AS3MT: variants seen among roughly 807,000 people sequenced by gnomAD.
The protein encoded by AS3MT is arsenite methyltransferase.
In AS3MT, 47 loss-of-function variants were observed where a neutral mutation model predicts 45.3. The observed-to-expected ratio is 1.04, with a 90% CI of 0.82 to 1.32. The LOEUF (loss-of-function observed/expected upper bound fraction) is 1.32, where lower values mean the gene tolerates loss of function less well. Ranked by LOEUF, AS3MT falls within the 40% of genes most tolerant of loss-of-function variation. AS3MT has a pLI of 0.00. For missense variants in AS3MT, 396 were observed against 451.1 expected (o/e 0.88, Z 1.11); for synonymous variants, 141 against 152.8 (o/e 0.92, Z 0.57).
Position 102,881,939 on chromosome 10 carries a change from T to G in AS3MT, c.885+2948T>G, listed in dbSNP as rs906655156. ...TATTTTTTTGTTGGTGAGACAGGTT[T>G]TTTTTTTTTTTCTTTTTTGAGACCA... On this transcript the variant is annotated intron_variant, in intron 9 of 10. Coordinates refer to ENST00000369880, the MANE Select transcript of AS3MT (RefSeq NM_020682.4). This position sits in a 1 kb window ranked among gnomAD's most constrained non-coding sequence, Gnocchi z 4.2. 2.0e-5 allele frequency among the ~76,000 whole-genome samples: 3 copies of G among 150,908 alleles called. No homozygotes were observed. Among genetic ancestry groups the G allele is most frequent in the African/African-American group, 7.3e-5 (3 of 41,172 alleles).
chr10:102,899,539 C>T (rs1845237282), intron 10 of AS3MT, among the ~76,000 whole-genome samples: 1 of 152,138 alleles, frequency 6.6e-6, no homozygotes, highest in African/African-American at 2.4e-5. Context: ...ACCAGTCTAT[C>T]AGTTTCATGA....
chr10:102,870,012 C>A lies in AS3MT; in HGVS notation c.43-72C>A, dbSNP rs1320772069. On this transcript the variant is annotated intron_variant, in intron 2 of 10. Coordinates refer to ENST00000369880, the MANE Select transcript of AS3MT (RefSeq NM_020682.4). ...GGCCAAGTGGAGGTGGAGGTGGTGA[C>A]GGAGCCCTCGCGCTGCAGTCACAGC... is the stretch of plus-strand genomic sequence containing the variant. The A allele has an allele frequency of 3.8e-6, 6 of 1,581,076 alleles. No homozygotes were observed. The Middle Eastern group carries it at 5.1e-4, about 135-fold the overall frequency.
At chr10:102,892,028 C>A (rs1342708808) in intron 10 of AS3MT, among the ~76,000 whole-genome samples, 1 of 147,148 alleles carries the variant, frequency 6.8e-6, no homozygotes, top group Non-Finnish European at 1.5e-5. Flanking sequence ...ACACTTGTTA[C>A]TAGATTTCCA....
At chr10:102,889,618 T>TGCCTGCCTG (rs1292952699) in intron 9 of AS3MT, among the ~76,000 whole-genome samples, 30 of 95,006 alleles carry the variant, frequency 3.2e-4, no homozygotes, top group East Asian at 1.1e-3. Flanking sequence ...CTGCCTGCCT[T>TGCCTGCCTG]CCTTCCTTCC....
At chr10:102,890,475 C>A in intron 9 of AS3MT, 69 bp from the exon 10 acceptor site, 1 of 1,350,282 alleles carries the variant, frequency 7.4e-7, no homozygotes, top group Non-Finnish European at 1.0e-6. Flanking sequence ...AACGATACTT[C>A]TGGGCATTTT....
In AS3MT at chr10:102,874,629, CA is replaced by C; in HGVS notation, c.498del (p.Val167CysfsTer9). 6.2e-7 allele frequency: 1 copy of C among 1,610,336 alleles called. No homozygotes were observed. ...TATTAACCTTGTGCCTGATAAACAA[CA>C]AGTGCTTCAGGAGGCATATCGGGTG... ...CVINLVPDKQ[Q>X]VLQEAYRVLK... On this transcript the variant is annotated frameshift_variant, in exon 6 of 11. Coordinates refer to ENST00000369880, the MANE Select transcript of AS3MT (RefSeq NM_020682.4). LOFTEE classifies it high-confidence loss of function.
chr10:102,888,875 A>ATTTTTTTTTTTT (rs1448414240), intron 9 of AS3MT, among the ~76,000 whole-genome samples: 2 of 70,040 alleles, frequency 2.9e-5, no homozygotes, highest in Admixed American at 1.7e-4. Context: ...ATATATATAT[A>ATTTTTTTTTTTT]TATATATTTT....
At chr10:102,878,608 A>G in intron 8 of AS3MT, 98 bp downstream of exon 8, 1 of 1,482,702 alleles carries the variant, frequency 6.7e-7, no homozygotes, top group African/African-American at 1.4e-5. Flanking sequence ...TCATTGAGGG[A>G]TACTTTCTGT....
At chr10:102,890,119 G>A (rs1474596590) in intron 9 of AS3MT, among the ~76,000 whole-genome samples, 1 of 151,486 alleles carries the variant, frequency 6.6e-6, no homozygotes, top group Non-Finnish European at 1.5e-5. Context: ...TCCTGCCTCA[G>A]CCTCCCAAGT....
intron 9 of AS3MT, among the ~76,000 whole-genome samples, chr10:102,885,922 C>T (rs1201879035): frequency 2.0e-5 from 3 of 152,062 alleles, no homozygotes; most frequent in Non-Finnish European, 4.4e-5. Flanking sequence ...CTGCCTCGGC[C>T]TCCCAAAGTG....
At chr10:102,880,852 C>T (rs533539207) in intron 9 of AS3MT, among the ~76,000 whole-genome samples, 1 of 152,240 alleles carries the variant, frequency 6.6e-6, no homozygotes, top group East Asian at 1.9e-4. Flanking sequence ...ACAGAAGGAA[C>T]AAAAACATCA....
At chr10:102,887,616 G>A (rs934684254) in intron 9 of AS3MT, among the ~76,000 whole-genome samples, 8 of 152,104 alleles carry the variant, frequency 5.3e-5, no homozygotes, top group Non-Finnish European at 1.0e-4. Flanking sequence ...TTTATCTGAT[G>A]TAAGTATAGC....
intron 9 of AS3MT, among the ~76,000 whole-genome samples, chr10:102,882,387 T>G (rs1423636294): frequency 6.6e-6 from 1 of 151,940 alleles, no homozygotes; most frequent in East Asian, 1.9e-4. Flanking sequence ...AGATTTCTTT[T>G]TTTTTTTTAA....
chr10:102,890,383 A>ATT (rs1845049438), intron 9 of AS3MT, among the ~76,000 whole-genome samples, 161 bp from the exon 10 acceptor site: 1 of 152,170 alleles, frequency 6.6e-6, no homozygotes, highest in Admixed American at 6.5e-5. Context: ...AGGAATCTCC[A>ATT]TACTGTTTCC....
In AS3MT at chr10:102,900,593, G is replaced by A; in HGVS notation, c.1021G>A (p.Asp341Asn). The A allele has an allele frequency of 6.2e-7, 1 of 1,611,686 alleles. No homozygotes were observed. Among genetic ancestry groups the A allele is most frequent in the Non-Finnish European group, 8.5e-7 (1 of 1,177,830 alleles). ...TTCATTTTGGTTTGCCTTTTGACAG[G>A]ATATAATCACAGATCCATTTAAGCT... ...SGGCSALELK[D>N]IITDPFKLAE... The change falls in exon 11 of 11, where the codon GAT (aspartate) becomes AAT (asparagine). Residue 341 changes from aspartate to asparagine, a missense_variant and splice_region_variant. By Grantham distance (23) the Asp-to-Asn change is conservative. Transcript: ENST00000369880.
Position 102,872,429 on chromosome 10 carries a change from T to C in AS3MT, c.171-19T>C, listed in dbSNP as rs1844707308. 1 of 1,612,530 alleles carries C rather than the reference T, an allele frequency of 6.2e-7. No individual in the cohort carries two copies. The highest frequency in any genetic ancestry group is 1.3e-5 in the African/African-American group (1 of 74,836). ...TCTTACAGTCTCCAGGGAAAAAATATGTGTTTTCCATTTCCCAGATATTAT... is the reference window on the plus strand; with the variant it reads ...TCTTACAGTCTCCAGGGAAAAAATACGTGTTTTCCATTTCCCAGATATTAT... On this transcript the variant is annotated intron_variant, in intron 3 of 10. Coordinates refer to ENST00000369880, the MANE Select transcript of AS3MT (RefSeq NM_020682.4).
In AS3MT at chr10:102,873,198, G is replaced by C; in HGVS notation, c.423G>C (p.Glu141Asp). ...ATGGCTACATTGAGAAGTTGGGAGA[G>C]GCTGGAATCAAGAATGAGAGCCATG... Reference protein sequence around the residue: ...FIHGYIEKLGEAGIKNESHDI... With the variant: ...FIHGYIEKLGDAGIKNESHDI... The change falls in exon 5 of 11, where the codon GAG becomes GAC. Residue 141 changes from glutamate (E) to aspartate (D), a missense_variant. By Grantham distance (45) the Glu-to-Asp change is conservative (BLOSUM62 2). Transcript: ENST00000369880. 1 of 1,609,124 alleles carries C rather than the reference G, an allele frequency of 6.2e-7. No homozygotes were observed. The highest frequency in any genetic ancestry group is 8.5e-7 in the Non-Finnish European group (1 of 1,178,682).
At position 102,869,582 on chromosome 10, in the gene AS3MT, G is replaced by T. The variant is rs1844638302; in HGVS notation, c.-11G>T. 5 of 1,526,136 alleles carry T rather than the reference G, an allele frequency of 3.3e-6. No homozygotes were observed. Among genetic ancestry groups the T allele is most frequent in the Non-Finnish European group, 4.4e-6 (5 of 1,141,270 alleles). The allele number at this position is 1,526,136 out of a possible 1,614,324, so 94.5% of individuals were successfully genotyped here. Reference sequence around the variant, plus strand: ...AGTGAGTGCGCGCCCTGAGTCGCAGGCCGAGGAGACAGTGAGTGCGCGCCC... The same window carrying T: ...AGTGAGTGCGCGCCCTGAGTCGCAGTCCGAGGAGACAGTGAGTGCGCGCCC... On this transcript the variant is annotated 5_prime_UTR_variant, in exon 1 of 11. Transcript: ENST00000369880.
intron 9 of AS3MT, among the ~76,000 whole-genome samples, chr10:102,889,614 G>GCCTTCCTTCCTTCCTTCCTTCCATCCTT (rs1845027499): frequency 8.8e-6 from 1 of 113,954 alleles, no homozygotes; most frequent in African/African-American, 3.1e-5. Context: ...CTGTCTGCCT[G>GCCTTCCTTCCTTCCTTCCTTCCATCCTT]CCTTCCTTCC....
Sources: allele counts gnomAD v4.1 joint callset (sites outside exome capture counted in the v4.1 genomes callset), GRCh38; gene constraint gnomAD v4.1.1; non-coding constraint Gnocchi (gnomAD v3.1); transcripts MANE v1.5; gene names NCBI Gene and HGNC (gene_info 2026-07-23, HGNC 2026-07-21).